Variants in DNMBP observed in about 807,000 individuals in gnomAD.
DNMBP encodes the protein dynamin-binding protein.
DNMBP carries 87 observed loss-of-function variants against 150.0 expected under a neutral mutation model. The observed-to-expected ratio is 0.58, with a 90% CI of 0.49 to 0.69. The LOEUF (loss-of-function observed/expected upper bound fraction) is 0.69. Ranked by LOEUF, DNMBP falls within the 30% of genes least tolerant of loss-of-function variation. DNMBP has a pLI of 0.00. For missense variants in DNMBP, 1,774 were observed against 1,949.0 expected, an observed-to-expected ratio of 0.91 and a Z score of 1.69; for synonymous variants, 711 against 750.4, an observed-to-expected ratio of 0.95 and a Z score of 0.86.
intron 11 of DNMBP, among the ~76,000 whole-genome samples, chr10:99,890,090 TAATA>T (rs967164043): frequency 2.6e-5 from 4 of 152,238 alleles, no homozygotes; most frequent in Admixed American, 1.3e-4. Flanking sequence ...CTTTTGTCTT[TAATA>T]TTTATATCTG....
At chr10:99,896,453 C>G (rs1414321041) in intron 9 of DNMBP, 56 bp from the exon 10 acceptor site, 5 of 1,589,844 alleles carry the variant, frequency 3.1e-6, no homozygotes, top group Non-Finnish European at 4.3e-6. Context: ...ACAAAATGAG[C>G]CATAAAATGA....
chr10:100,009,479 T>C (rs1410568787), intron 1 of DNMBP, among the ~76,000 whole-genome samples: 1 of 152,256 alleles, frequency 6.6e-6, no homozygotes, highest in Non-Finnish European at 1.5e-5. Context: ...AACGCAGAAT[T>C]CTTTTTCCAG....
In DNMBP at chr10:99,955,557, C is replaced by T. The variant is rs776889203; in HGVS notation, c.1917G>A (p.Val639=). The change falls in exon 4 of 17, where the codon GTG becomes GTA. Residue 639 remains valine (V), a synonymous_variant. Transcript: ENST00000324109. ...GCAGGGGAGCTGGGCGAGAGGGTCG[C>T]ACCACCAAGGGTGGTGCAGGTTTTA... ...QNLKPAPPLV[V]RPSRPAPLPP... is the part of the protein sequence containing the mutation. 19 of 1,601,584 alleles carry T rather than the reference C, an allele frequency of 1.2e-5. No homozygotes were observed. The African/African-American group carries it at 2.3e-4, about 19-fold the overall frequency.
intron 1 of DNMBP, among the ~76,000 whole-genome samples, chr10:99,987,266 G>A (rs1207534434): frequency 2.0e-5 from 3 of 152,046 alleles, no homozygotes; most frequent in African/African-American, 7.2e-5. Flanking sequence ...ATTCTGGGAG[G>A]CCGAGGCTAG....
chr10:99,898,451 A>G (rs2039691672), intron 8 of DNMBP, 166 bp from the exon 9 acceptor site: 2 of 707,734 alleles, frequency 2.8e-6, no homozygotes, highest in Middle Eastern at 2.8e-4. Flanking sequence ...CTTTTACCCT[A>G]CTTTCCAATT....
At chr10:99,888,753 T>C in intron 12 of DNMBP, 72 bp downstream of exon 12, 1 of 1,584,702 alleles carries the variant, frequency 6.3e-7, no homozygotes. Flanking sequence ...TCCGTGGAAC[T>C]GACTTGCATG....
intron 1 of DNMBP, among the ~76,000 whole-genome samples, chr10:100,008,200 G>A (rs2041096403): frequency 1.3e-5 from 2 of 152,288 alleles, no homozygotes; most frequent in Admixed American, 1.3e-4. Context: ...TTGATGGAAC[G>A]TTGAGGGAAA....
At chr10:99,885,189 G>GGTT (rs2039437566) in intron 14 of DNMBP, among the ~76,000 whole-genome samples, 1 of 151,940 alleles carries the variant, frequency 6.6e-6, no homozygotes, top group Non-Finnish European at 1.5e-5. Flanking sequence ...ATGAACCAAT[G>GGTT]AATTAATACT....
chr10:99,923,140 T>C (rs1275308508), intron 4 of DNMBP, among the ~76,000 whole-genome samples: 2 of 151,640 alleles, frequency 1.3e-5, no homozygotes, highest in African/African-American at 4.8e-5. Flanking sequence ...CCTGTAATCC[T>C]AGCACTTTGG....
At chr10:99,905,274 A>G (rs1242208215) in intron 6 of DNMBP, among the ~76,000 whole-genome samples, 1 of 152,200 alleles carries the variant, frequency 6.6e-6, no homozygotes, top group African/African-American at 2.4e-5. Context: ...CAGTTTTTCT[A>G]ACTGTTCCAG....
intron 4 of DNMBP, among the ~76,000 whole-genome samples, chr10:99,934,398 A>G (rs1353362833): frequency 2.1e-5 from 3 of 141,998 alleles, no homozygotes; most frequent in Non-Finnish European, 3.1e-5. Flanking sequence ...AACAATAAAA[A>G]CCTCCTTGTG....
Position 99,956,311 on chromosome 10 carries a change from G to C in DNMBP, c.1163C>G (p.Pro388Arg), listed in dbSNP as rs199802150. 3 of 1,614,006 alleles carry C rather than the reference G, an allele frequency of 1.9e-6. No individual in the cohort carries two copies. In the Admixed American group the frequency reaches 5.0e-5, roughly 27 times the overall value. ...AAGAGGCATTTCCCACTCCACGCCT[G>C]GGCTTCTCGGGGGCCCTCCTGCGGT... ...EDTAGGPPRS[P>R]GVEWEMPLAT... Residue 388 changes from proline (P) to arginine (R), a missense_variant, in exon 4 of 17, where the codon CCA becomes CGA. Pro to Arg is a moderately radical substitution (Grantham distance 103). This residue lies in a region of DNMBP where 1,430 missense variants were observed against 1,492.5 expected (regional missense o/e 0.96). Coordinates refer to ENST00000324109, the MANE Select transcript of DNMBP (RefSeq NM_015221.4).
intron 4 of DNMBP, among the ~76,000 whole-genome samples, chr10:99,913,057 G>A (rs931033008): frequency 6.6e-6 from 1 of 152,144 alleles, no homozygotes; most frequent in Non-Finnish European, 1.5e-5. Context: ...CGCTTTGGGA[G>A]TCTGAGGTGG....
At chr10:100,009,719 C>A (rs1201170200) in intron 1 of DNMBP, 119 bp downstream of exon 1, 1 of 151,108 alleles carries the variant, frequency 6.6e-6, no homozygotes, top group Non-Finnish European at 1.5e-5. Flanking sequence ...CAGGCCTAGC[C>A]GCGCGGCGCG....
intron 4 of DNMBP, chr10:99,914,166 C>G: frequency 7.9e-7 from 1 of 1,266,832 alleles, no homozygotes; most frequent in South Asian, 2.9e-5. Context: ...GAGCTGGAAC[C>G]CTAAGCGTAC....
intron 1 of DNMBP, among the ~76,000 whole-genome samples, chr10:99,986,002 C>T (rs943614807): frequency 2.6e-5 from 4 of 152,106 alleles, no homozygotes; most frequent in Admixed American, 1.3e-4. Context: ...CCGCCTGCCT[C>T]GCCCTCTTGA....
chr10:99,894,897 A>G (rs1272854625), intron 11 of DNMBP, 49 bp downstream of exon 11: 1 of 1,378,370 alleles, frequency 7.3e-7, no homozygotes, highest in Admixed American at 1.7e-5. Flanking sequence ...AGGAAAGGGG[A>G]CAGAATTACA....
intron 4 of DNMBP, among the ~76,000 whole-genome samples, chr10:99,936,569 C>T (rs1358132394): frequency 6.7e-6 from 1 of 148,730 alleles, no homozygotes; most frequent in Admixed American, 6.8e-5. Context: ...GGCCGGAGTG[C>T]AGTGGTGCCA....
chr10:99,948,097 C>T (rs2040378524), intron 4 of DNMBP, among the ~76,000 whole-genome samples: 2 of 152,102 alleles, frequency 1.3e-5, no homozygotes, highest in Admixed American at 1.3e-4. Flanking sequence ...TCTAAAACAG[C>T]TCTTACAAAA....
Sources: allele counts gnomAD v4.1 joint callset (sites outside exome capture counted in the v4.1 genomes callset), GRCh38; gene constraint gnomAD v4.1.1; regional missense constraint gnomAD v4.1.1; transcripts MANE v1.5; gene names NCBI Gene and HGNC (gene_info 2026-07-23, HGNC 2026-07-21).